CCDC122: variants seen among roughly 807,000 people sequenced by gnomAD.
The protein encoded by CCDC122 is coiled-coil domain containing 122.
Under a neutral mutation model 37.0 loss-of-function variants are expected in CCDC122, and 38 were observed. That is an observed-to-expected ratio of 1.03 (90% CI 0.79 to 1.35). The LOEUF is 1.35. Ranked by LOEUF, CCDC122 falls within the 40% of genes most tolerant of loss-of-function variation. The probability of loss-of-function intolerance (pLI) is 0.00; values close to 1 mark genes in which losing one functional copy is unlikely to be tolerated. For missense variants in CCDC122, 305 were observed against 310.0 expected, an observed-to-expected ratio of 0.98 and a Z score of 0.12; for synonymous variants, 83 against 95.6, an observed-to-expected ratio of 0.87 and a Z score of 0.77.
At chr13:43,878,566 T>C (rs1954738369) in intron 1 of CCDC122, among the ~76,000 whole-genome samples, 1 of 152,166 alleles carries the variant, frequency 6.6e-6, no homozygotes, top group African/African-American at 2.4e-5. Flanking sequence ...ACAATGAAGA[T>C]AAAAGGGACC....
intron 6 of CCDC122, among the ~76,000 whole-genome samples, chr13:43,851,867 C>G (rs1953744842): frequency 1.3e-5 from 2 of 152,016 alleles, no homozygotes; most frequent in Admixed American, 1.3e-4. Flanking sequence ...AGCGTTGGCC[C>G]TTAAAATCTT....
rs1221359129 is a variant in CCDC122, at chr13:43,841,930, C to G, written c.673-4501G>C. Among the ~76,000 whole-genome samples the G allele has an allele frequency of 2.0e-5, 3 of 152,326 alleles. No homozygotes were observed. In the East Asian group the frequency reaches 5.8e-4, roughly 29 times the overall value. ...CTGTATTACCCAGGCTGGTCTTCAA[C>G]TCCTGGGCTCAAGACATCCTCCTGC... On this transcript the variant is annotated intron_variant, in intron 6 of 6. Coordinates refer to ENST00000444614, the MANE Select transcript of CCDC122 (RefSeq NM_144974.5).
At chr13:43,857,449 A>AGTGTGTGTGTGT (rs60383575) in intron 6 of CCDC122, among the ~76,000 whole-genome samples, 1 of 149,602 alleles carries the variant, frequency 6.7e-6, no homozygotes, top group African/African-American at 2.5e-5. Flanking sequence ...AATACTTAGA[A>AGTGTGTGTGTGT]GTGTGTGTGT....
chr13:43,855,112 G>A (rs544195523), intron 6 of CCDC122: 29 of 152,152 alleles, frequency 1.9e-4, no homozygotes, highest in Admixed American at 4.6e-4. Flanking sequence ...CATAGTATTC[G>A]AAGTCCTAGC....
At chr13:43,854,794 T>C (rs910849972) in intron 6 of CCDC122, 2 of 152,250 alleles carry the variant, frequency 1.3e-5, no homozygotes, top group East Asian at 1.9e-4. Flanking sequence ...GTAAGCTTTA[T>C]ATCTGGGATG....
At position 43,859,758 on chromosome 13, in the gene CCDC122, C is replaced by T; in HGVS notation, c.469G>A (p.Asp157Asn). 6.3e-7 allele frequency: 1 copy of T among 1,597,426 alleles called. No individual in the cohort carries two copies. Among genetic ancestry groups the T allele is most frequent in the Non-Finnish European group, 8.5e-7 (1 of 1,175,320 alleles). The stretch of plus-strand genomic sequence containing the variant: ...ATTGTCTTTAATTTTTTAACAAAAT[C>T]TCGCTTTTCATGGAGTTCAGTCATA... Reference protein sequence around the residue: ...SFMTELHEKRDFVKKLKTMKE... With the variant: ...SFMTELHEKRNFVKKLKTMKE... Residue 157 changes from aspartate (D) to asparagine (N), a missense_variant, in exon 5 of 7, where the codon GAT (aspartate) becomes AAT (asparagine). By Grantham distance (23) the Asp-to-Asn change is conservative. Transcript: ENST00000444614.
downstream of CCDC122, among the ~76,000 whole-genome samples, chr13:43,823,266 A>G (rs1380903311): frequency 1.3e-5 from 2 of 152,064 alleles, no homozygotes; most frequent in African/African-American, 4.8e-5. Context: ...GAGGGGCCTC[A>G]TGACTCTGCC....
At chr13:43,834,926 G>T (rs1365965791), downstream of CCDC122, among the ~76,000 whole-genome samples, 2 of 152,094 alleles carry the variant, frequency 1.3e-5, no homozygotes, top group African/African-American at 2.4e-5. Flanking sequence ...TCTAGAACTA[G>T]AAATATCATT....
chr13:43,863,815 A>T lies in CCDC122; in HGVS notation c.157-3745T>A, dbSNP rs370094875. ...ATGGCCAAAGGGCCCCACCAAGAAT[A>T]CCTTAGTTTGTTTTCATAATAGTGT... On this transcript the variant is annotated intron_variant, in intron 4 of 6. Transcript: ENST00000444614. Among the ~76,000 whole-genome samples, 15 of 152,300 alleles carry T rather than the reference A, an allele frequency of 9.8e-5. No individual in the cohort carries two copies. The East Asian group carries it at 2.1e-3, about 22-fold the overall frequency.
At chr13:43,840,913 T>G (rs867519236) in intron 6 of CCDC122, among the ~76,000 whole-genome samples, 2 of 152,328 alleles carry the variant, frequency 1.3e-5, no homozygotes, top group Middle Eastern at 3.4e-3. Context: ...ATGGGATGGC[T>G]GGGTCAAATG....
intron 6 of CCDC122, among the ~76,000 whole-genome samples, chr13:43,848,016 C>T (rs1280661332): frequency 6.6e-6 from 1 of 152,188 alleles, no homozygotes; most frequent in Non-Finnish European, 1.5e-5. Flanking sequence ...CTCAAGTGAT[C>T]CACCCACCTT....
intron 3 of CCDC122, among the ~76,000 whole-genome samples, chr13:43,825,659 A>G (rs905014344): frequency 6.6e-6 from 1 of 151,294 alleles, no homozygotes; most frequent in African/African-American, 2.4e-5. Context: ...AGTCCCAGCT[A>G]CTTGGGAGGC....
chr13:43,839,689 A>G (rs1953280145), intron 6 of CCDC122, among the ~76,000 whole-genome samples: 1 of 152,204 alleles, frequency 6.6e-6, no homozygotes, highest in Non-Finnish European at 1.5e-5. Context: ...AAACGACTGT[A>G]TAATTTTACA....
chr13:43,827,541 C>T (rs1367660313), intron 3 of CCDC122, among the ~76,000 whole-genome samples: 1 of 152,176 alleles, frequency 6.6e-6, no homozygotes, highest in Non-Finnish European at 1.5e-5. Context: ...TTTTTTGGTA[C>T]AGTTGACCCT....
intron 6 of CCDC122, chr13:43,854,655 C>T (rs1429019709): frequency 2.0e-5 from 3 of 152,082 alleles, no homozygotes; most frequent in African/African-American, 7.2e-5. Context: ...ATACCAAAAC[C>T]CGAAAGAGAC....
chr13:43,854,617 C>A (rs1391893607), intron 6 of CCDC122: 1 of 152,190 alleles, frequency 6.6e-6, no homozygotes, highest in Non-Finnish European at 1.5e-5. Flanking sequence ...TCCTCCCTAA[C>A]TCATTCTATG....
At chr13:43,829,116 C>A (rs1953065151) in intron 3 of CCDC122, among the ~76,000 whole-genome samples, 1 of 152,086 alleles carries the variant, frequency 6.6e-6, no homozygotes, top group African/African-American at 2.4e-5. Context: ...GTTAAAGTTA[C>A]TATAAATTTT....
intron 4 of CCDC122, among the ~76,000 whole-genome samples, chr13:43,860,384 T>C (rs1954067237): frequency 6.6e-6 from 1 of 152,108 alleles, no homozygotes; most frequent in Non-Finnish European, 1.5e-5. Flanking sequence ...ATCAGAAGTA[T>C]ACACTCAGGG....
downstream of CCDC122, among the ~76,000 whole-genome samples, chr13:43,833,429 G>A (rs1953109347): frequency 6.6e-6 from 1 of 152,146 alleles, no homozygotes; most frequent in Non-Finnish European, 1.5e-5. Context: ...TTCCTTTGCA[G>A]AAGACTCAGT....
Sources: gnomAD v4.1 joint callset for allele counts (sites outside exome capture counted in the v4.1 genomes callset) on GRCh38, gnomAD v4.1.1 for gene constraint, MANE v1.5 for transcripts, NCBI Gene and HGNC (gene_info 2026-07-23, HGNC 2026-07-21) for gene names.